The following SNCAIP variants were observed in gnomAD, a reference collection of about 807,000 sequenced individuals.
SNCAIP encodes the protein synuclein alpha interacting protein, also known as synphilin-1.
Under a neutral mutation model 86.7 loss-of-function variants are expected in SNCAIP, and 43 were observed. That is an observed-to-expected ratio of 0.50 (90% CI 0.39 to 0.64). The LOEUF is 0.64. Among genes scored for constraint, SNCAIP ranks in the 30% least tolerant of loss-of-function variants. The probability of loss-of-function intolerance (pLI) is 0.00; values close to 1 mark genes in which losing one functional copy is unlikely to be tolerated. For missense variants in SNCAIP, 981 were observed against 1,103.1 expected, an observed-to-expected ratio of 0.89 and a Z score of 1.57; for synonymous variants, 417 against 427.2, an observed-to-expected ratio of 0.98 and a Z score of 0.29.
intron 10 of SNCAIP, among the ~76,000 whole-genome samples, chr5:122,459,028 C>A (rs1305103701): frequency 6.6e-6 from 1 of 152,166 alleles, no homozygotes; most frequent in Non-Finnish European, 1.5e-5. Flanking sequence ...TGTCTTCCCA[C>A]AGCGGGGAAA....
At chr5:122,441,281 C>T (rs1780835571) in intron 7 of SNCAIP, 1 of 156,950 alleles carries the variant, frequency 6.4e-6, no homozygotes, top group Non-Finnish European at 1.4e-5. Context: ...TTCAAAAGGT[C>T]CAGAATTGGT....
chr5:122,450,896 C>T lies in SNCAIP; in HGVS notation c.2049C>T (p.Asn683=). ...TGAGTGAGTCTGACACAGACTCCAA[C>T]AACTCTGAGGACCCCAAGACTACCC... ...RSLSESDTDS[N]NSEDPKTTPV... Residue 683 remains asparagine, a synonymous_variant, in exon 10 of 11, where the codon AAC becomes AAT. Coordinates refer to ENST00000261368, the MANE Select transcript of SNCAIP (RefSeq NM_005460.4). The T allele has an allele frequency of 1.2e-6, 2 of 1,614,100 alleles. No individual in the cohort carries two copies.
intron 1 of SNCAIP, among the ~76,000 whole-genome samples, chr5:122,347,785 G>A (rs1478637205): frequency 6.6e-6 from 1 of 151,986 alleles, no homozygotes; most frequent in African/African-American, 2.4e-5. Context: ...ATAAAAAGAA[G>A]TATATTGTTT....
At chr5:122,328,239 A>G (rs1336540470) in intron 1 of SNCAIP, among the ~76,000 whole-genome samples, 2 of 152,218 alleles carry the variant, frequency 1.3e-5, no homozygotes. Flanking sequence ...CTCAAGGTTT[A>G]TACTATCACC....
rs1291612650 is a variant in SNCAIP at position 122,463,718 on chromosome 5, T to C, written c.*222T>C. ...TCAGGATGCCTTAAATTTATAGTAGTAGACTGTAAAAGATTCATTTTGGGG... is the reference window on the plus strand; with the variant it reads ...TCAGGATGCCTTAAATTTATAGTAGCAGACTGTAAAAGATTCATTTTGGGG... On this transcript the variant is annotated 3_prime_UTR_variant, in exon 11 of 11. Transcript: ENST00000261368. 3.7e-6 allele frequency: 2 copies of C among 542,160 alleles called. No individual in the cohort carries two copies. Among genetic ancestry groups the C allele is most frequent in the African/African-American group, 1.9e-5 (1 of 52,602 alleles). 33.6% of individuals were successfully genotyped at this position (542,160 alleles called of 1,614,324 possible). A position where few individuals can be genotyped will look rare whatever the true frequency, so the allele number is the denominator to read the frequency against.
chr5:122,396,024 A>G (rs551694074), intron 2 of SNCAIP, among the ~76,000 whole-genome samples: 2 of 151,936 alleles, frequency 1.3e-5, no homozygotes, highest in African/African-American at 4.8e-5. Context: ...GTTCTTATCT[A>G]TATGGAAACT....
intron 1 of SNCAIP, among the ~76,000 whole-genome samples, chr5:122,316,664 C>T (rs1268785906): frequency 1.3e-5 from 2 of 152,198 alleles, no homozygotes; most frequent in Admixed American, 6.5e-5. Flanking sequence ...GACGGTCTGG[C>T]ACAATGCCTC....
chr5:122,345,792 C>T (rs1472953394), intron 1 of SNCAIP, among the ~76,000 whole-genome samples: 1 of 151,852 alleles, frequency 6.6e-6, no homozygotes, highest in Non-Finnish European at 1.5e-5. Context: ...TCCCAAGTGC[C>T]TAGGACTACA....
At chr5:122,409,745 A>G (rs557608974) in intron 3 of SNCAIP, among the ~76,000 whole-genome samples, 3 of 152,358 alleles carry the variant, frequency 2.0e-5, no homozygotes, top group East Asian at 3.9e-4. Flanking sequence ...CTAAGATTAA[A>G]GGGATTTAAG....
At chr5:122,424,767 C>A (rs958576484) in intron 4 of SNCAIP, among the ~76,000 whole-genome samples, 2 of 152,136 alleles carry the variant, frequency 1.3e-5, no homozygotes, top group Non-Finnish European at 2.9e-5. Flanking sequence ...TCTCTATCAA[C>A]GAGTTCATAG....
At chr5:122,372,245 G>A (rs1224241760) in intron 1 of SNCAIP, among the ~76,000 whole-genome samples, 1 of 152,134 alleles carries the variant, frequency 6.6e-6, no homozygotes, top group Non-Finnish European at 1.5e-5. Context: ...TCAGGCCAAT[G>A]TTGTGTTTCT....
intron 6 of SNCAIP, 62 bp from the exon 7 acceptor site, chr5:122,440,563 CTCTG>C: frequency 6.7e-7 from 1 of 1,492,758 alleles, no homozygotes; most frequent in Non-Finnish European, 9.3e-7. Context: ...TATTGTTTTC[CTCTG>C]TCTTTTTATC....
In SNCAIP at chr5:122,423,036, A is replaced by G; in HGVS notation, c.299A>G (p.Gln100Arg). The G allele has an allele frequency of 6.2e-7, 1 of 1,614,154 alleles. No homozygotes were observed. The highest frequency in any genetic ancestry group is 1.1e-5 in the South Asian group (1 of 91,082). The change falls in exon 4 of 11, where the codon CAG becomes CGG. Residue 100 changes from glutamine to arginine, a missense_variant. By Grantham distance (43) the Gln-to-Arg change is conservative. Transcript: ENST00000261368. Reference protein sequence around the residue: ...ENNESDDQKNQKVVEYQKGGE... With the variant: ...ENNESDDQKNRKVVEYQKGGE... ...AATGAAAGTGATGACCAAAAGAACC[A>G]GAAAGTGGTTGAGTACCAGAAAGGG...
At chr5:122,390,035 A>G (rs1769016647) in intron 1 of SNCAIP, among the ~76,000 whole-genome samples, 1 of 152,140 alleles carries the variant, frequency 6.6e-6, no homozygotes, top group Non-Finnish European at 1.5e-5. Context: ...CGGGAGGCCC[A>G]TTTTCATCAG....
At chr5:122,322,110 TAG>T (rs1753066057) in intron 1 of SNCAIP, among the ~76,000 whole-genome samples, 1 of 152,236 alleles carries the variant, frequency 6.6e-6, no homozygotes. Context: ...AGGGAGCTGT[TAG>T]AGTCATCACG....
intron 1 of SNCAIP, among the ~76,000 whole-genome samples, chr5:122,357,651 G>A (rs368523861): frequency 2.8e-5 from 4 of 140,392 alleles, no homozygotes; most frequent in East Asian, 2.0e-4. Context: ...TACCTTTCTC[G>A]TCCTGAAAGG....
intron 9 of SNCAIP, 86 bp downstream of exon 9, chr5:122,450,023 A>G (rs1783375447): frequency 2.1e-6 from 2 of 954,122 alleles, no homozygotes; most frequent in South Asian, 2.7e-5. Context: ...ATATTTTAAG[A>G]GGATGACAAC....
intron 6 of SNCAIP, 67 bp from the exon 7 acceptor site, chr5:122,440,562 C>T: frequency 6.8e-7 from 1 of 1,480,492 alleles, no homozygotes; most frequent in South Asian, 1.1e-5. Flanking sequence ...GTATTGTTTT[C>T]CTCTGTCTTT....
intron 1 of SNCAIP, among the ~76,000 whole-genome samples, 180 bp from the exon 2 acceptor site, chr5:122,390,909 C>T (rs560097096): frequency 3.5e-4 from 54 of 152,288 alleles, no homozygotes; most frequent in Non-Finnish European, 6.0e-4. Context: ...ACCATGGAGA[C>T]GCTGTGTTTG....
Sources: allele counts gnomAD v4.1 joint callset (sites outside exome capture counted in the v4.1 genomes callset), GRCh38; gene constraint gnomAD v4.1.1; transcripts MANE v1.5; gene names NCBI Gene and HGNC (gene_info 2026-07-23, HGNC 2026-07-21).